XYLB: variants seen among roughly 807,000 people sequenced by gnomAD.
XYLB encodes xylulose kinase.
In XYLB, 62 loss-of-function variants were observed where a neutral mutation model predicts 78.7. The observed-to-expected ratio is 0.79, with a 90% CI of 0.64 to 0.97. XYLB has a LOEUF of 0.97. XYLB is among the 50% of genes least tolerant of loss of function. The pLI, the probability that XYLB is intolerant of heterozygous loss-of-function variation, is 0.00. For synonymous variants in XYLB, 245 were observed against 247.4 expected, an observed-to-expected ratio of 0.99 and a Z score of 0.09; for missense variants, 687 against 676.8, an observed-to-expected ratio of 1.02 and a Z score of -0.17.
chr3:38,372,504 G>C (rs1575484440), intron 9 of XYLB, 151 bp from the exon 10 acceptor site: 1 of 1,474,234 alleles, frequency 6.8e-7, no homozygotes, highest in Non-Finnish European at 9.0e-7. Context: ...TTTGTGACAG[G>C]AAGTGATGTG....
the XYLB span, among the ~76,000 whole-genome samples, chr3:38,437,490 G>A: frequency 6.6e-6 from 1 of 152,104 alleles, no homozygotes; most frequent in Non-Finnish European, 1.5e-5. Flanking sequence ...TTGATGATAT[G>A]ATATATGATC....
intron 9 of XYLB, 111 bp from the exon 10 acceptor site, chr3:38,372,544 G>A (rs924484088): frequency 1.3e-6 from 2 of 1,571,048 alleles, no homozygotes; most frequent in Admixed American, 1.8e-5. Context: ...ATTCCTTCAG[G>A]TCTGGTGACC....
exon 18 of XYLB, among the ~76,000 whole-genome samples, chr3:38,420,523 T>A (rs542336527): frequency 3.5e-4 from 54 of 152,350 alleles, no homozygotes; most frequent in African/African-American, 1.3e-3. Flanking sequence ...TGTTAAATGT[T>A]TTGCATGTAT....
intron 11 of XYLB, 76 bp downstream of exon 11, chr3:38,374,578 G>C: frequency 3.8e-6 from 6 of 1,586,458 alleles, no homozygotes; most frequent in South Asian, 3.3e-5. Context: ...TAGCAGAGGT[G>C]CTGCTGAGAC....
chr3:38,441,137 T>C, the XYLB span, among the ~76,000 whole-genome samples: 2 of 152,246 alleles, frequency 1.3e-5, no homozygotes, highest in Non-Finnish European at 2.9e-5. Flanking sequence ...TGCACTGTAA[T>C]AACGCCATGA....
Position 38,375,180 on chromosome 3 carries a change from C to T in XYLB, c.925C>T (p.Leu309Phe), listed in dbSNP as rs776447074. The T allele has an allele frequency of 6.2e-7, 1 of 1,614,172 alleles. No individual in the cohort carries two copies. Among genetic ancestry groups the T allele is most frequent in the Non-Finnish European group, 8.5e-7 (1 of 1,180,024 alleles). Residue 309 changes from leucine to phenylalanine, a missense_variant, in exon 12 of 19, where the codon CTC becomes TTC. By Grantham distance (22) the Leu-to-Phe change is conservative. Coordinates refer to ENST00000207870, the MANE Select transcript of XYLB (RefSeq NM_005108.4). ...LGTSDTLFLW[L>F]QEPMPALEGH... ...CACCAGTGACACCCTGTTTCTCTGG[C>T]TCCAAGAGCCCATGCCTGCCCTGGA...
chr3:38,421,430 G>C (rs935813802), downstream of XYLB: 2 of 152,334 alleles, frequency 1.3e-5, no homozygotes, highest in Non-Finnish European at 2.9e-5. Flanking sequence ...GAGCAGGCAT[G>C]AGGCTTATTT....
intron 18 of XYLB, among the ~76,000 whole-genome samples, chr3:38,402,431 T>C (rs2125659222): frequency 6.6e-6 from 1 of 152,320 alleles, no homozygotes; most frequent in South Asian, 2.1e-4. Context: ...AAGCAAGAGC[T>C]CATGCTGTCT....
intron 15 of XYLB, among the ~76,000 whole-genome samples, chr3:38,381,580 C>G (rs1707147169): frequency 6.6e-6 from 1 of 152,204 alleles, no homozygotes; most frequent in South Asian, 2.1e-4. Context: ...AATTCTTTTT[C>G]TCAGCATGGA....
intron 18 of XYLB, among the ~76,000 whole-genome samples, chr3:38,406,038 C>T (rs1708306467): frequency 6.6e-6 from 1 of 152,252 alleles, no homozygotes; most frequent in South Asian, 2.1e-4. Context: ...AGCAGTGGTT[C>T]TCCCAGCACA....
chr3:38,357,371 T>A (rs1705710198), intron 2 of XYLB, among the ~76,000 whole-genome samples: 1 of 147,040 alleles, frequency 6.8e-6, no homozygotes, highest in South Asian at 2.2e-4. Flanking sequence ...TGGTAGATGG[T>A]GCCTCTAGTT....
At chr3:38,396,549 C>T (rs1209021005) in intron 16 of XYLB, among the ~76,000 whole-genome samples, 1 of 152,166 alleles carries the variant, frequency 6.6e-6, no homozygotes, top group Non-Finnish European at 1.5e-5. Flanking sequence ...TCTGGGTCGG[C>T]ATCAGTGGCA....
At position 38,363,034 on chromosome 3, in the gene XYLB, C is replaced by A; in HGVS notation, c.291+17C>A. ...GCGGGCCAGGTTCGTTTGCAGCAGACTCTGTCTGCCATGTGAGGGTGACTG... is the reference window on the plus strand; with the variant it reads ...GCGGGCCAGGTTCGTTTGCAGCAGAATCTGTCTGCCATGTGAGGGTGACTG... On this transcript the variant is annotated intron_variant, in intron 4 of 18. Coordinates refer to ENST00000207870, the MANE Select transcript of XYLB (RefSeq NM_005108.4). The A allele has an allele frequency of 6.5e-7, 1 of 1,527,406 alleles. No individual in the cohort carries two copies. Among genetic ancestry groups the A allele is most frequent in the Non-Finnish European group, 8.8e-7 (1 of 1,132,092 alleles). 94.6% of individuals were successfully genotyped at this position (1,527,406 alleles called of 1,614,324 possible).
At chr3:38,419,682 G>A (rs980652690), downstream of XYLB, among the ~76,000 whole-genome samples, 3 of 146,818 alleles carry the variant, frequency 2.0e-5, no homozygotes, top group African/African-American at 5.0e-5. Flanking sequence ...GTGATGTTAA[G>A]CACTTTTCAT....
At chr3:38,350,341 G>A (rs1426309784) in intron 2 of XYLB, among the ~76,000 whole-genome samples, 1 of 152,180 alleles carries the variant, frequency 6.6e-6, no homozygotes, top group East Asian at 1.9e-4. Context: ...TTTCAACTAA[G>A]CCATCAAATG....
chr3:38,368,670 G>A (rs1289146126), intron 8 of XYLB, among the ~76,000 whole-genome samples: 1 of 152,192 alleles, frequency 6.6e-6, no homozygotes, highest in African/African-American at 2.4e-5. Context: ...TAGTGACACT[G>A]CAGAGAGGGA....
the XYLB span, among the ~76,000 whole-genome samples, chr3:38,431,955 G>GA: frequency 1.3e-5 from 2 of 151,680 alleles, no homozygotes; most frequent in African/African-American, 2.4e-5. Flanking sequence ...ATTCAAGATT[G>GA]AAAAAAAAGA....
At chr3:38,415,704 A>G (rs1399536977), downstream of XYLB, among the ~76,000 whole-genome samples, 4 of 151,906 alleles carry the variant, frequency 2.6e-5, no homozygotes, top group Non-Finnish European at 1.5e-5. Context: ...AATTGCTTGA[A>G]CCCGGGGGCA....
At chr3:38,432,481 C>T in the XYLB span, among the ~76,000 whole-genome samples, 372 of 152,196 alleles carry the variant, frequency 2.4e-3, no homozygotes, top group African/African-American at 8.5e-3. Context: ...GCAGGAGAAT[C>T]GCTTGAACCC....
Sources: gnomAD v4.1 joint callset for allele counts (sites outside exome capture counted in the v4.1 genomes callset) on GRCh38, gnomAD v4.1.1 for gene constraint, MANE v1.5 for transcripts, NCBI Gene and HGNC (gene_info 2026-07-23, HGNC 2026-07-21) for gene names.